The following PLCG2 variants were observed in gnomAD, a reference collection of about 807,000 sequenced individuals.
PLCG2 encodes the protein 1-phosphatidylinositol 4,5-bisphosphate phosphodiesterase gamma-2.
In PLCG2, 69 loss-of-function variants were observed where a neutral mutation model predicts 175.6. The ratio of observed to expected loss-of-function variants is 0.39; its 90% CI spans 0.32 to 0.48. The LOEUF is 0.48. PLCG2 is among the 20% of genes least tolerant of loss of function. The pLI is 0.91. For missense variants in PLCG2, 1,798 were observed against 1,650.9 expected (o/e 1.09, Z -1.54); for synonymous variants, 827 against 624.0 (o/e 1.33, Z -4.85).
rs192615165 is a variant in PLCG2 at position 81,940,100 on chromosome 16, G to A, written c.3481+41G>A. The A allele has an allele frequency of 8.2e-4, 1,262 of 1,538,906 alleles. 2 individuals carry two copies. Among genetic ancestry groups the A allele is most frequent in the Non-Finnish European group, 1.0e-3 (1,121 of 1,117,412 alleles). On this transcript the variant is annotated intron_variant, in intron 30 of 32. Transcript: ENST00000564138. ...ATTAAGATGTTCGATTTGGGCTGGC[G>A]TTGTACTTTGGTTTGGCTGCTGGCT...
chr16:81,815,647 A>G (rs1904510635), intron 2 of PLCG2, among the ~76,000 whole-genome samples: 1 of 152,060 alleles, frequency 6.6e-6, no homozygotes, highest in African/African-American at 2.4e-5. Flanking sequence ...AGCTGCTGGG[A>G]GTCTGAGCAT....
chr16:81,943,632 C>G (rs989519025), intron 30 of PLCG2, among the ~76,000 whole-genome samples: 7 of 152,192 alleles, frequency 4.6e-5, no homozygotes, highest in Non-Finnish European at 1.0e-4. Context: ...TCACCCCAGA[C>G]TTCCCAAGTC....
rs1391791302 is a variant in PLCG2 at position 81,895,840 on chromosome 16, T to C, written c.1106T>C (p.Val369Ala). The C allele has an allele frequency of 2.5e-6, 4 of 1,613,988 alleles. No individual in the cohort carries two copies. Among genetic ancestry groups the C allele is most frequent in the South Asian group, 1.1e-5 (1 of 91,088 alleles). The change falls in exon 13 of 33, where the codon GTC becomes GCC. Residue 369 changes from valine to alanine, a missense_variant. Val to Ala is a moderately conservative substitution (Grantham distance 64). Coordinates refer to ENST00000564138, the MANE Select transcript of PLCG2 (RefSeq NM_002661.5). ...TGGGACGGGCCCGATGGGAAGCCGG[T>C]CATCTACCATGGCTGGACGCGGACT... ...DCWDGPDGKP[V>A]IYHGWTRTTK...
At chr16:81,781,989 A>C (rs956223380) in intron 1 of PLCG2, among the ~76,000 whole-genome samples, 4 of 151,288 alleles carry the variant, frequency 2.6e-5, no homozygotes, top group African/African-American at 9.7e-5. Flanking sequence ...CTCCTGCCTC[A>C]GCCTCACGAG....
chr16:81,820,904 C>T (rs1277156545), intron 2 of PLCG2, among the ~76,000 whole-genome samples: 6 of 151,572 alleles, frequency 4.0e-5, no homozygotes, highest in African/African-American at 1.5e-4. Flanking sequence ...TACAGGTGCA[C>T]ACCATCATGC....
At chr16:81,854,697 G>T in intron 3 of PLCG2, 110 bp downstream of exon 3, 1 of 1,022,644 alleles carries the variant, frequency 9.8e-7, no homozygotes, top group Non-Finnish European at 1.5e-6. Flanking sequence ...TGTGTATTTG[G>T]GGTCATGGTT....
chr16:81,756,484 A>G (rs1909930090), intron 2 of PLCG2, among the ~76,000 whole-genome samples: 2 of 152,238 alleles, frequency 1.3e-5, no homozygotes, highest in South Asian at 4.1e-4. Context: ...ATGTTGCCCA[A>G]GGTCACACAG....
Position 81,891,700 on chromosome 16 carries a change from G to A in PLCG2, c.986+110G>A, listed in dbSNP as rs1021876878. 171 of 675,516 alleles carry A rather than the reference G, an allele frequency of 2.5e-4. No individual in the cohort carries two copies. In the Middle Eastern group the frequency reaches 3.6e-3, roughly 14 times the overall value. 41.8% of individuals were successfully genotyped at this position (675,516 alleles called of 1,614,324 possible). A position where few individuals can be genotyped will look rare whatever the true frequency, so the allele number is the denominator to read the frequency against. On this transcript the variant is annotated intron_variant, in intron 11 of 32. Coordinates refer to ENST00000564138, the MANE Select transcript of PLCG2 (RefSeq NM_002661.5). ...AGCCCTGTTGTGAAGCAGGTGGAGG[G>A]TGTAGCACCGCATTCCTTGGACTAA...
intron 14 of PLCG2, among the ~76,000 whole-genome samples, chr16:81,904,517 T>C (rs4622505): frequency 0.56 from 84,912 of 152,056 alleles, 24,369 homozygotes; most frequent in East Asian, 0.75. Context: ...GCTGGTAGAA[T>C]AGCTGCAGTG....
At chr16:81,954,441 T>C (rs1235797627) in intron 31 of PLCG2, among the ~76,000 whole-genome samples, 1 of 152,174 alleles carries the variant, frequency 6.6e-6, no homozygotes, top group Non-Finnish European at 1.5e-5. Flanking sequence ...ACGTGTGCCA[T>C]GGTGGTTTGC....
At chr16:81,871,505 A>T (rs1907513893) in intron 7 of PLCG2, among the ~76,000 whole-genome samples, 1 of 151,928 alleles carries the variant, frequency 6.6e-6, no homozygotes. Context: ...CGCCCAGCTA[A>T]TTTTGTATTT....
Position 81,816,651 on chromosome 16 carries a change from A to ATTTT in PLCG2, c.193+30496_193+30499dup, listed in dbSNP as rs71146047. On this transcript the variant is annotated intron_variant, in intron 2 of 32. Transcript: ENST00000564138. The stretch of plus-strand genomic sequence containing the variant: ...GCACCACCATGCCCAGCTAATTTTA[A>ATTTT]TTTTTTTTTTTTTTTTTTTTTTTTT... Among the ~76,000 whole-genome samples the ATTTT allele has an allele frequency of 2.8e-4, 31 of 108,838 alleles. 1 individual carries two copies. Among genetic ancestry groups the ATTTT allele is most frequent in the South Asian group, 6.2e-4 (2 of 3,234 alleles). The allele number at this position is 108,838 out of a possible 152,430, so 71.4% of individuals were successfully genotyped here. A position where few individuals can be genotyped will look rare whatever the true frequency, so the allele number is the denominator to read the frequency against.
intron 2 of PLCG2, among the ~76,000 whole-genome samples, chr16:81,820,266 A>G (rs763203928): frequency 7.9e-5 from 12 of 152,348 alleles, no homozygotes; most frequent in Middle Eastern, 6.8e-3. Context: ...AACACCTTCC[A>G]TCGCAGGAGA....
intron 1 of PLCG2, among the ~76,000 whole-genome samples, chr16:81,748,815 G>T (rs942393575): frequency 5.9e-5 from 9 of 152,186 alleles, no homozygotes; most frequent in African/African-American, 2.2e-4. Context: ...TTACAACCCT[G>T]TGAACCAGTT....
At chr16:81,760,679 G>A (rs956861989) in intron 2 of PLCG2, among the ~76,000 whole-genome samples, 2 of 151,514 alleles carry the variant, frequency 1.3e-5, no homozygotes, top group Non-Finnish European at 2.9e-5. Flanking sequence ...GGGAGGTCAA[G>A]GTGGGAGGAT....
At chr16:81,937,989 A>G (rs772208318) in intron 28 of PLCG2, 86 bp downstream of exon 28, 9 of 1,257,440 alleles carry the variant, frequency 7.2e-6, no homozygotes, top group Non-Finnish European at 1.0e-5. Flanking sequence ...CAGGGAACCC[A>G]TGTCTAGGGA....
At chr16:81,782,358 CAG>C (rs1910775445) in intron 1 of PLCG2, among the ~76,000 whole-genome samples, 2 of 150,576 alleles carry the variant, frequency 1.3e-5, no homozygotes. Context: ...GAATGGGAAA[CAG>C]GAACAAAAAA....
intron 5 of PLCG2, among the ~76,000 whole-genome samples, chr16:81,859,536 G>C (rs1483740915): frequency 6.7e-6 from 1 of 148,218 alleles, no homozygotes; most frequent in African/African-American, 2.4e-5. Flanking sequence ...TAAACCAGGT[G>C]GTTCTTTTTT....
At chr16:81,832,179 G>A (rs72832051) in intron 2 of PLCG2, among the ~76,000 whole-genome samples, 3,821 of 152,194 alleles carry the variant, frequency 0.025, 50 homozygotes, top group Middle Eastern at 0.034. Flanking sequence ...TTTGCTCAGT[G>A]CCTGACTCAT....
Sources: allele counts gnomAD v4.1 joint callset (sites outside exome capture counted in the v4.1 genomes callset), GRCh38; gene constraint gnomAD v4.1.1; transcripts MANE v1.5; gene names NCBI Gene and HGNC (gene_info 2026-07-23, HGNC 2026-07-21).